Variants in TIPIN observed in about 807,000 individuals in gnomAD.
TIPIN encodes the protein TIMELESS-interacting protein.
Under a neutral mutation model 35.6 loss-of-function variants are expected in TIPIN, and 29 were observed. The ratio of observed to expected loss-of-function variants is 0.82; its 90% confidence interval spans 0.61 to 1.11. TIPIN has a LOEUF of 1.11. Ranked by LOEUF, TIPIN falls within the 50% of genes most tolerant of loss-of-function variation. The pLI is 0.00. For missense variants in TIPIN, 296 were observed against 345.4 expected (o/e 0.86, Z 1.13); for synonymous variants, 102 against 121.5 (o/e 0.84, Z 1.06).
intron 1 of TIPIN, among the ~76,000 whole-genome samples, chr15:66,361,703 T>C (rs2140478944): frequency 6.6e-6 from 1 of 152,324 alleles, no homozygotes; most frequent in South Asian, 2.1e-4. Context: ...ATTAAAACTC[T>C]TTTAAAAGAG....
chr15:66,371,747 G>T (rs968455248), intron 1 of TIPIN, among the ~76,000 whole-genome samples: 1 of 151,898 alleles, frequency 6.6e-6, no homozygotes, highest in Non-Finnish European at 1.5e-5. Flanking sequence ...TCGATCTCCT[G>T]ACTTCGTGAT....
rs75418985 is a variant in TIPIN at position 66,349,894 on chromosome 15, A to G, written c.289-457T>C. The stretch of plus-strand genomic sequence containing the variant: ...TCCTATATCCAAAAAAAAGAGAGAA[A>G]ATTATTAAGAACTTAGAGGACTGCA... On this transcript the variant is annotated intron_variant, in intron 4 of 7. Transcript: ENST00000261881. Among the ~76,000 whole-genome samples, 549 of 152,032 alleles carry G rather than the reference A, an allele frequency of 3.6e-3. 2 individuals carry two copies. Among genetic ancestry groups the G allele is most frequent in the African/African-American group, 0.013 (526 of 41,474 alleles).
chr15:66,341,294 T>G lies in TIPIN; in HGVS notation c.538A>C (p.Asn180His), dbSNP rs539879797. The change falls in exon 7 of 8, where the codon AAC (asparagine) becomes CAC (histidine). Residue 180 changes from asparagine to histidine, a missense_variant. Asn to His is a moderately conservative substitution (Grantham distance 68). Transcript: ENST00000261881. ...GCAAACATCTCACTTTCAGATAAGT[T>G]TGTCAGAAAGGGATCTAATTCAGTA... is the stretch of plus-strand genomic sequence containing the variant. The part of the protein sequence containing the change: ...TSTELDPFLT[N>H]LSESEMFASE... 108 of 1,613,954 alleles carry G rather than the reference T, an allele frequency of 6.7e-5. 1 individual carries two copies. The South Asian group carries it at 1.1e-3, about 16-fold the overall frequency.
upstream of TIPIN, among the ~76,000 whole-genome samples, chr15:66,360,065 G>A (rs1044831598): frequency 7.2e-5 from 11 of 151,916 alleles, no homozygotes; most frequent in African/African-American, 1.9e-4. Context: ...GAGTCACCCC[G>A]TCTAACCCAG....
chr15:66,352,183 C>G lies in TIPIN; in HGVS notation c.158G>C (p.Arg53Pro), dbSNP rs9806123. Residue 53 changes from arginine to proline, a missense_variant, in exon 3 of 8, where the codon CGT becomes CCT. Transcript: ENST00000261881. ...TTTAACTGTTCTCTTTGGAGGTACA[C>G]GAACAGGTGCTCCATTTCCTGACTC... ...DEESGNGAPVRVPPKRTVKRN... is the reference protein window; with the variant it reads ...DEESGNGAPVPVPPKRTVKRN... 1 allele frequency: 1,605,655 copies of G among 1,609,694 alleles called. 800,891 individuals carry two copies. Among genetic ancestry groups the G allele is most frequent in the East Asian group, 1 (44,738 of 44,738 alleles).
At chr15:66,358,921 G>T (rs1235446478), upstream of TIPIN, among the ~76,000 whole-genome samples, 1 of 151,842 alleles carries the variant, frequency 6.6e-6, no homozygotes, top group Non-Finnish European at 1.5e-5. Context: ...GTGCCTGCCT[G>T]TAATCCTAGC....
At chr15:66,347,190 T>TA (rs1566973831) in intron 6 of TIPIN, 1 of 498,722 alleles carries the variant, frequency 2.0e-6, no homozygotes, top group Non-Finnish European at 4.0e-6. Context: ...TGTTAAAAGT[T>TA]AAAAAACAAA....
At chr15:66,343,747 C>T (rs926643276) in intron 6 of TIPIN, among the ~76,000 whole-genome samples, 1 of 152,134 alleles carries the variant, frequency 6.6e-6, no homozygotes, top group Non-Finnish European at 1.5e-5. Context: ...ACCTGTAATC[C>T]CAGCACTTTT....
chr15:66,379,511 T>C, intron 1 of TIPIN: 1 of 1,609,978 alleles, frequency 6.2e-7, no homozygotes, highest in Non-Finnish European at 8.5e-7. Context: ...CTTGAGATAC[T>C]GAACAAGCAA....
rs1325297461 is a variant in TIPIN, at chr15:66,336,905, C to T, written c.*53G>A. 16 of 1,518,802 alleles carry T rather than the reference C, an allele frequency of 1.1e-5. No individual in the cohort carries two copies. The highest frequency in any genetic ancestry group is 2.3e-4 in the Middle Eastern group (1 of 4,258). The allele number at this position is 1,518,802 out of a possible 1,614,324, so 94.1% of individuals were successfully genotyped here. A position where few individuals can be genotyped will look rare whatever the true frequency, so the allele number is the denominator to read the frequency against. On this transcript the variant is annotated 3_prime_UTR_variant, in exon 8 of 8. Coordinates refer to ENST00000261881, the MANE Select transcript of TIPIN (RefSeq NM_017858.3). ...TCCAAGAAGAAAAAATACATAGTAA[C>T]GCCAAGCTTGCAGGACGATGACTTA...
chr15:66,378,526 A>C (rs1227080651), intron 1 of TIPIN, among the ~76,000 whole-genome samples: 1 of 152,142 alleles, frequency 6.6e-6, no homozygotes, highest in African/African-American at 2.4e-5. Context: ...TTGTGTACTT[A>C]TATCTCTGTA....
intron 1 of TIPIN, among the ~76,000 whole-genome samples, chr15:66,365,455 C>T (rs1231947216): frequency 3.3e-5 from 5 of 152,192 alleles, no homozygotes; most frequent in African/African-American, 1.2e-4. Context: ...TCCCAGGAAC[C>T]TCATGTTTAA....
chr15:66,336,863 T>C lies in TIPIN; in HGVS notation c.*95A>G, dbSNP rs2093047907. On this transcript the variant is annotated 3_prime_UTR_variant, in exon 8 of 8. Transcript: ENST00000261881. ...AAACAATAATCTATAACAGTTTTACTATCTAAGGATTTTCACTCCAAGAAG... is the reference window on the plus strand; with the variant it reads ...AAACAATAATCTATAACAGTTTTACCATCTAAGGATTTTCACTCCAAGAAG... 3 of 947,788 alleles carry C rather than the reference T, an allele frequency of 3.2e-6. No homozygotes were observed. In the South Asian group the frequency reaches 4.8e-5, roughly 15 times the overall value. 58.7% of individuals were successfully genotyped at this position (947,788 alleles called of 1,614,324 possible). A position where few individuals can be genotyped will look rare whatever the true frequency, so the allele number is the denominator to read the frequency against.
intron 1 of TIPIN, among the ~76,000 whole-genome samples, chr15:66,362,836 T>C (rs1394760400): frequency 2.0e-5 from 3 of 152,256 alleles, no homozygotes; most frequent in Non-Finnish European, 4.4e-5. Context: ...GTCTTCTTTA[T>C]TGGCTAGTGT....
chr15:66,337,105 A>G lies in TIPIN; in HGVS notation c.759T>C (p.Asn253=). Residue 253 remains asparagine, a synonymous_variant, in exon 8 of 8, where the codon AAT becomes AAC. Coordinates refer to ENST00000261881, the MANE Select transcript of TIPIN (RefSeq NM_017858.3). The part of the protein sequence containing the change: ...NTDEDQKEES[N]GLNEDILDNP... ...TGTCCAGAATGTCTTCGTTTAATCC[A>G]TTTGACTCCTCCTTTTGATCCTCAT... The G allele has an allele frequency of 6.2e-7, 1 of 1,614,078 alleles. No individual in the cohort carries two copies. Among genetic ancestry groups the G allele is most frequent in the Non-Finnish European group, 8.5e-7 (1 of 1,180,008 alleles).
intron 3 of TIPIN, 130 bp downstream of exon 3, chr15:66,351,999 T>A (rs2093171366): frequency 1.4e-6 from 1 of 705,540 alleles, no homozygotes; most frequent in African/African-American, 1.9e-5. Context: ...TATGTTCTGC[T>A]GAACTAAAAA....
At chr15:66,340,171 C>CTTCTT in intron 7 of TIPIN, among the ~76,000 whole-genome samples, 1 of 69,568 alleles carries the variant, frequency 1.4e-5, no homozygotes, top group African/African-American at 5.5e-5. Context: ...TGCGCCTGGC[C>CTTCTT]TTTTTTTTTT....
intron 1 of TIPIN, 41 bp downstream of exon 1, chr15:66,356,598 C>G: frequency 1.0e-6 from 1 of 986,580 alleles, no homozygotes; most frequent in Non-Finnish European, 1.2e-6. Context: ...CGACTCCCCT[C>G]TCCCCGCAAG....
At chr15:66,351,628 C>T (rs777484198) in intron 3 of TIPIN, 28 bp from the exon 4 acceptor site, 11 of 1,310,902 alleles carry the variant, frequency 8.4e-6, no homozygotes, top group Non-Finnish European at 1.2e-5. Flanking sequence ...TTTTTAATTT[C>T]AAGTTTTATT....
Sources: allele counts gnomAD v4.1 joint callset (sites outside exome capture counted in the v4.1 genomes callset), GRCh38; gene constraint gnomAD v4.1.1; transcripts MANE v1.5; gene names NCBI Gene and HGNC (gene_info 2026-07-23, HGNC 2026-07-21).